Variants in KRT9 observed in about 807,000 individuals in gnomAD.
The protein encoded by KRT9 is keratin 9.
In KRT9, 34 loss-of-function variants were observed where a neutral mutation model predicts 51.4. The ratio of observed to expected loss-of-function variants is 0.66; its 90% CI spans 0.50 to 0.88. The LOEUF is 0.88. Among genes scored for constraint, KRT9 ranks in the 40% least tolerant of loss-of-function variants. The pLI is 0.00. For missense variants in KRT9, 753 were observed against 790.3 expected, an observed-to-expected ratio of 0.95 and a Z score of 0.57; for synonymous variants, 292 against 289.7, an observed-to-expected ratio of 1.01 and a Z score of -0.08.
chr17:41,566,014 G>A lies in KRT9; in HGVS notation c.*179C>T, dbSNP rs1906861469. ...TGCCAAGTCAGTTCAGTCCCAAACG[G>A]GCACAGGGGCTTGTTGCCAGCTATT... On this transcript the variant is annotated 3_prime_UTR_variant, in exon 8 of 8. Transcript: ENST00000246662. The A allele has an allele frequency of 6.5e-6, 1 of 152,704 alleles. No individual in the cohort carries two copies. The highest frequency in any genetic ancestry group is 2.1e-4 in the South Asian group (1 of 4,830). 9.5% of individuals were successfully genotyped at this position (152,704 alleles called of 1,614,324 possible). A position where few individuals can be genotyped will look rare whatever the true frequency, so the allele number is the denominator to read the frequency against.
intron 7 of KRT9, among the ~76,000 whole-genome samples, 186 bp downstream of exon 7, chr17:41,567,047 A>C (rs183450458): frequency 2.6e-3 from 393 of 151,242 alleles, no homozygotes; most frequent in Non-Finnish European, 3.6e-3. Flanking sequence ...TCCTAGCCTC[A>C]TCCTAGGCTC....
At chr17:41,566,966 G>A (rs981735653) in intron 7 of KRT9, among the ~76,000 whole-genome samples, 14 of 152,120 alleles carry the variant, frequency 9.2e-5, no homozygotes, top group African/African-American at 2.4e-4. Flanking sequence ...ACCTCATAGC[G>A]TGTGTCATGA....
chr17:41,567,803 T>C, intron 6 of KRT9, 53 bp from the exon 7 acceptor site: 3 of 1,611,238 alleles, frequency 1.9e-6, no homozygotes, highest in Non-Finnish European at 1.7e-6. Context: ...CATACACATA[T>C]ATGAGGATGG....
chr17:41,568,139 C>T, intron 6 of KRT9, 23 bp downstream of exon 6: 1 of 1,599,234 alleles, frequency 6.3e-7, no homozygotes. Context: ...CCCAGGGGTT[C>T]CACCAAATCC....
intron 6 of KRT9, among the ~76,000 whole-genome samples, 184 bp from the exon 7 acceptor site, chr17:41,567,934 C>A (rs959229154): frequency 6.6e-6 from 1 of 152,080 alleles, no homozygotes; most frequent in African/African-American, 2.4e-5. Context: ...GACTGTGGAG[C>A]CCTCCCCTCC....
rs1251299707 is a variant in KRT9 at position 41,567,739 on chromosome 17, C to G, written c.1406G>C (p.Gly469Ala). ...ACCTCCAAGGCCAATTTTTCCAGCTCCGGAGGATTCACTAAGAAAGAAAGA... is the reference window on the plus strand; with the variant it reads ...ACCTCCAAGGCCAATTTTTCCAGCTGCGGAGGATTCACTAAGAAAGAAAGA... ...EGGQEDFESSGAGKIGLGGRG... is the reference protein window; with the variant it reads ...EGGQEDFESSAAGKIGLGGRG... The change falls in exon 7 of 8, where the codon GGA (glycine) becomes GCA (alanine). Residue 469 changes from glycine (G) to alanine (A), a missense_variant. Gly to Ala is a moderately conservative substitution (Grantham distance 60). This residue lies in a region of KRT9 where 507 missense variants were observed against 563.7 expected (regional missense o/e 0.90). Coordinates refer to ENST00000246662, the MANE Select transcript of KRT9 (RefSeq NM_000226.4). 8.7e-6 allele frequency: 14 copies of G among 1,614,208 alleles called. No individual in the cohort carries two copies. The highest frequency in any genetic ancestry group is 1.2e-5 in the Non-Finnish European group (14 of 1,180,024).
rs773401466 is a variant in KRT9, at chr17:41,568,579, C to T, written c.1099G>A (p.Ala367Thr). 4.3e-6 allele frequency: 7 copies of T among 1,614,156 alleles called. No individual in the cohort carries two copies. The highest frequency in any genetic ancestry group is 3.3e-5 in the Admixed American group (2 of 60,030). ...SSSGQEVQSS[A>T]KEVTQLRHGV... ...TGCCGGAGCTGGGTCACCTCCTTGGCACTGGACTGCACCTCCTGACCACTA... is the reference window on the plus strand; with the variant it reads ...TGCCGGAGCTGGGTCACCTCCTTGGTACTGGACTGCACCTCCTGACCACTA... The change falls in exon 5 of 8, where the codon GCC becomes ACC. Residue 367 changes from alanine to threonine, a missense_variant. By Grantham distance (58) the Ala-to-Thr change is moderately conservative (BLOSUM62 0). Coordinates refer to ENST00000246662, the MANE Select transcript of KRT9 (RefSeq NM_000226.4).
rs202176405 is a variant in KRT9, at chr17:41,568,410, G to A, written c.1171-25C>T. 1.4e-5 allele frequency: 22 copies of A among 1,613,962 alleles called. No homozygotes were observed. In the East Asian group the frequency reaches 4.7e-4, roughly 34 times the overall value. On this transcript the variant is annotated intron_variant, in intron 5 of 7. Transcript: ENST00000246662. ...TCTAAGGGTTAGGAGAAGGCTTTAA[G>A]AGGGATGCTACATCATAACTCCTCT...
In KRT9 at chr17:41,570,146, G is replaced by A; in HGVS notation, c.717C>T (p.Phe239=). 1 of 1,614,070 alleles carries A rather than the reference G, an allele frequency of 6.2e-7. No individual in the cohort carries two copies. The highest frequency in any genetic ancestry group is 8.5e-7 in the Non-Finnish European group (1 of 1,179,944). ...IDNTRMTLDD[F]RIKFEMEQNL... ...AGAGGAGCAGGACTCACTTTATCCT[G>A]AAGTCATCCAGTGTCATGCGAGTGT... The change falls in exon 2 of 8, where the codon TTC becomes TTT. Residue 239 remains phenylalanine (F), a synonymous_variant. Coordinates refer to ENST00000246662, the MANE Select transcript of KRT9 (RefSeq NM_000226.4).
Position 41,568,521 on chromosome 17 carries a change from G to C in KRT9, c.1157C>G (p.Ser386Cys). Reference protein sequence around the residue: ...GVQELEIELQSQLSKKAALEK... With the variant: ...GVQELEIELQCQLSKKAALEK... ...AGAACTACCAACCTTGCTGAGCTGA[G>C]ACTGCAGCTCAATCTCCAACTCCTG... Residue 386 changes from serine (S) to cysteine (C), a missense_variant, in exon 5 of 8, where the codon TCT becomes TGT. This residue lies in a region of KRT9 where 507 missense variants were observed against 563.7 expected (regional missense o/e 0.90). Transcript: ENST00000246662. 2 of 1,614,166 alleles carry C rather than the reference G, an allele frequency of 1.2e-6. No individual in the cohort carries two copies. Among genetic ancestry groups the C allele is most frequent in the Non-Finnish European group, 1.7e-6 (2 of 1,180,038 alleles).
At position 41,569,536 on chromosome 17, in the gene KRT9, T is replaced by C. The variant is rs904463648; in HGVS notation, c.934A>G (p.Asn312Asp). 3.2e-5 allele frequency: 51 copies of C among 1,614,128 alleles called. No homozygotes were observed. Among genetic ancestry groups the C allele is most frequent in the Non-Finnish European group, 4.0e-5 (47 of 1,180,022 alleles). The change falls in exon 4 of 8, where the codon AAC becomes GAC. Residue 312 changes from asparagine to aspartate, a missense_variant. This residue lies in a region of KRT9 where 507 missense variants were observed against 563.7 expected (regional missense o/e 0.90). Coordinates refer to ENST00000246662, the MANE Select transcript of KRT9 (RefSeq NM_000226.4). Reference sequence around the variant, plus strand: ...GTGAGATCTTTGCCAGGAGCAACGTTTATCTCCACATTGACATCTCCACTG... The same window carrying C: ...GTGAGATCTTTGCCAGGAGCAACGTCTATCTCCACATTGACATCTCCACTG... Reference protein sequence around the residue: ...QNSGDVNVEINVAPGKDLTKT... With the variant: ...QNSGDVNVEIDVAPGKDLTKT...
chr17:41,571,884 A>C lies in KRT9; in HGVS notation c.109T>G (p.Ser37Ala). The change falls in exon 1 of 8, where the codon TCC becomes GCC. Residue 37 changes from serine to alanine, a missense_variant. By Grantham distance (99) the Ser-to-Ala change is moderately conservative. Coordinates refer to ENST00000246662, the MANE Select transcript of KRT9 (RefSeq NM_000226.4). The part of the protein sequence containing the change: ...SIRSSYSRFS[S>A]SGGGGGGGRF... The stretch of plus-strand genomic sequence containing the variant: ...CCCCCTCCTCCACCGCCCCCTGAGG[A>C]GCTGAAGCGGCTGTAGGAAGACCTT... 6.2e-7 allele frequency: 1 copy of C among 1,609,366 alleles called. No homozygotes were observed. Among genetic ancestry groups the C allele is most frequent in the Non-Finnish European group, 8.5e-7 (1 of 1,178,352 alleles).
chr17:41,569,345 A>G (rs1906990260), intron 4 of KRT9, 81 bp downstream of exon 4: 2 of 1,359,708 alleles, frequency 1.5e-6, no homozygotes, highest in African/African-American at 2.9e-5. Flanking sequence ...AGATAGGAGG[A>G]TGAAGGAATG....
rs1203699314 is a variant in KRT9 at position 41,568,520 on chromosome 17, A to C, written c.1158T>G (p.Ser386=). 21 of 1,614,078 alleles carry C rather than the reference A, an allele frequency of 1.3e-5. No homozygotes were observed. The highest frequency in any genetic ancestry group is 1.8e-5 in the Non-Finnish European group (21 of 1,180,046). ...GVQELEIELQ[S]QLSKKAALEK... ...CAGAACTACCAACCTTGCTGAGCTGAGACTGCAGCTCAATCTCCAACTCCT... is the reference window on the plus strand; with the variant it reads ...CAGAACTACCAACCTTGCTGAGCTGCGACTGCAGCTCAATCTCCAACTCCT... Residue 386 remains serine (S), a synonymous_variant, in exon 5 of 8, where the codon TCT becomes TCG. Coordinates refer to ENST00000246662, the MANE Select transcript of KRT9 (RefSeq NM_000226.4).
chr17:41,569,322 C>G, intron 4 of KRT9, 104 bp downstream of exon 4: 8 of 1,132,016 alleles, frequency 7.1e-6, no homozygotes, highest in Non-Finnish European at 9.2e-6. Flanking sequence ...GACAGCTGCA[C>G]TGAGAGATGC....
chr17:41,566,493 C>T (rs1462161139), intron 7 of KRT9, among the ~76,000 whole-genome samples: 1 of 152,198 alleles, frequency 6.6e-6, no homozygotes, highest in Non-Finnish European at 1.5e-5. Flanking sequence ...ATCCATGGAC[C>T]TGCAGTGCCA....
intron 1 of KRT9, 61 bp from the exon 2 acceptor site, chr17:41,570,281 G>A: frequency 1.4e-6 from 2 of 1,435,906 alleles, no homozygotes; most frequent in East Asian, 2.3e-5. Context: ...GAGGGCAAGA[G>A]GCCAGGCAAA....
intron 1 of KRT9, among the ~76,000 whole-genome samples, chr17:41,570,555 G>A (rs1425380227): frequency 3.3e-5 from 5 of 152,240 alleles, no homozygotes; most frequent in African/African-American, 1.2e-4. Flanking sequence ...AGGAGAGGTG[G>A]CTTATGGCAA....
Position 41,570,166 on chromosome 17 carries a change from G to T in KRT9, c.697C>A (p.Arg233Ser), listed in dbSNP as rs144301874. 6.2e-7 allele frequency: 1 copy of T among 1,614,120 alleles called. No homozygotes were observed. The highest frequency in any genetic ancestry group is 1.1e-5 in the South Asian group (1 of 91,060). Residue 233 changes from arginine (R) to serine (S), a missense_variant, in exon 2 of 8, where the codon CGC (arginine) becomes AGC (serine). Arg to Ser is a moderately radical substitution (Grantham distance 110). Around this residue, in one of 3 missense-constraint regions of KRT9, gnomAD observed 507 missense variants for 563.7 expected, o/e 0.90. Coordinates refer to ENST00000246662, the MANE Select transcript of KRT9 (RefSeq NM_000226.4). ...ATCCTGAAGTCATCCAGTGTCATGC[G>T]AGTGTTGTCAATGTCCAGGAGAGTT... ...NKTLLDIDNT[R>S]MTLDDFRIKF...
Sources: allele counts gnomAD v4.1 joint callset (sites outside exome capture counted in the v4.1 genomes callset), GRCh38; gene constraint gnomAD v4.1.1; regional missense constraint gnomAD v4.1.1; transcripts MANE v1.5; gene names NCBI Gene and HGNC (gene_info 2026-07-23, HGNC 2026-07-21).